BNC2: variants seen among roughly 807,000 people sequenced by gnomAD.
The protein encoded by BNC2 is basonuclin zinc finger protein 2, also known as zinc finger protein basonuclin-2.
A neutral mutation model predicts 76.3 loss-of-function variants in BNC2; 20 were observed. That is an observed-to-expected ratio of 0.26 (90% CI 0.18 to 0.38). BNC2 has a LOEUF of 0.38. BNC2 is among the 10% of genes least tolerant of loss of function. The pLI is 1.00. For missense variants in BNC2, 1,382 were observed against 1,399.8 expected, an observed-to-expected ratio of 0.99 and a Z score of 0.20; for synonymous variants, 582 against 514.8, an observed-to-expected ratio of 1.13 and a Z score of -1.77.
Position 16,445,842 on chromosome 9 carries a change from T to C in BNC2, c.670-8318A>G, listed in dbSNP as rs374545731. Among the ~76,000 whole-genome samples, 25 of 152,248 alleles carry C rather than the reference T, an allele frequency of 1.6e-4. 1 individual carries two copies. The highest frequency in any genetic ancestry group is 7.7e-4 in the East Asian group (4 of 5,200). ...TAGAGATAGGTGTATACCAGCTTGC[T>C]GTGATTACACAGCTAATGCTACATT... On this transcript the variant is annotated intron_variant, in intron 5 of 6. Transcript: ENST00000380672.
chr9:16,792,516 C>T (rs1324275816), intron 1 of BNC2, among the ~76,000 whole-genome samples: 2 of 152,078 alleles, frequency 1.3e-5, no homozygotes, highest in Non-Finnish European at 2.9e-5. Context: ...AGGTTTCTGG[C>T]AAAAGAACAA....
rs115268387 is a variant in BNC2, at chr9:16,520,830, T to C, written c.669+31700A>G. 1.6e-3 allele frequency among the ~76,000 whole-genome samples: 242 copies of C among 152,248 alleles called. 2 individuals are homozygous for C. Among genetic ancestry groups the C allele is most frequent in the African/African-American group, 5.1e-3 (210 of 41,538 alleles). On this transcript the variant is annotated intron_variant, in intron 5 of 6. Coordinates refer to ENST00000380672, the MANE Select transcript of BNC2 (RefSeq NM_017637.6). ...CAGGCCACTTGAATGACTTTATAAA[T>C]AAGAAATCCTGTCTTCAGTATGGCA...
chr9:16,531,837 T>C lies in BNC2; in HGVS notation c.669+20693A>G, dbSNP rs1450397892. Among the ~76,000 whole-genome samples, 3 of 152,184 alleles carry C rather than the reference T, an allele frequency of 2.0e-5. No individual in the cohort carries two copies. The South Asian group carries it at 6.2e-4, about 32-fold the overall frequency. ...GAAATCAATTATATTTTTTAACATA[T>C]TATTTTATTCAAAATGCTTGACTAA... On this transcript the variant is annotated intron_variant, in intron 5 of 6. Coordinates refer to ENST00000380672, the MANE Select transcript of BNC2 (RefSeq NM_017637.6).
At chr9:16,767,245 A>G (rs1439956014) in intron 1 of BNC2, among the ~76,000 whole-genome samples, 2 of 152,198 alleles carry the variant, frequency 1.3e-5, no homozygotes, top group East Asian at 3.9e-4. Context: ...CAAGTGCCCA[A>G]CACTCAGTAG....
chr9:16,861,075 C>T (rs1403202833), intron 1 of BNC2, among the ~76,000 whole-genome samples: 1 of 150,726 alleles, frequency 6.6e-6, no homozygotes, highest in East Asian at 1.9e-4. Context: ...GTCACAGTGG[C>T]TTATGCCTGT....
rs1267037097 is a variant in BNC2, at chr9:16,424,277, AAAAC to A, written c.2640-4632_2640-4629del. On this transcript the variant is annotated intron_variant, in intron 6 of 6. Transcript: ENST00000380672. ...GGAGACACGAAAAAGAAAAAAAAAA[AAAAC>A]AAGTTGCATGACCAAATTAGAAAGT... 2.6e-3 allele frequency among the ~76,000 whole-genome samples: 390 copies of A among 152,188 alleles called. 3 individuals are homozygous for A. The highest frequency in any genetic ancestry group is 9.0e-3 in the African/African-American group (373 of 41,472).
Position 16,794,239 on chromosome 9 carries a change from T to A in BNC2, c.4-55754A>T, listed in dbSNP as rs1366911599. Among the ~76,000 whole-genome samples, 3 of 152,108 alleles carry A rather than the reference T, an allele frequency of 2.0e-5. No individual in the cohort carries two copies. The East Asian group carries it at 5.8e-4, about 29-fold the overall frequency. On this transcript the variant is annotated intron_variant, in intron 1 of 6. Transcript: ENST00000380672. ...GTGTTTTTTATTCCAGATGGGAAAC[T>A]CTCACTACCGTCCCCCAGCAGACTT... is the stretch of plus-strand genomic sequence containing the variant.
intron 3 of BNC2, among the ~76,000 whole-genome samples, chr9:16,608,738 TGTCATGAAAAGATAACCTGACAGGGA>T (rs1458434133): frequency 1.4e-4 from 21 of 152,252 alleles, no homozygotes; most frequent in Admixed American, 2.6e-4. Context: ...GATAAGTTGA[TGTCATGAAAAGATAACCTGACAGGGA>T]GTCAGTGAGA....
Position 16,715,382 on chromosome 9 carries a change from T to C in BNC2, c.330+12415A>G, listed in dbSNP as rs562751100. Among the ~76,000 whole-genome samples, 7 of 152,056 alleles carry C rather than the reference T, an allele frequency of 4.6e-5. No homozygotes were observed. In the East Asian group the frequency reaches 1.4e-3, roughly 29 times the overall value. On this transcript the variant is annotated intron_variant, in intron 3 of 6. Transcript: ENST00000380672. ...TTTTTTCTAATCACAGGGGAAAAAA[T>C]GAAGAATTTGGTTGATCCCAGTGGG...
At chr9:16,513,665 C>A (rs192609944) in intron 5 of BNC2, among the ~76,000 whole-genome samples, 202 of 152,168 alleles carry the variant, frequency 1.3e-3, no homozygotes, top group African/African-American at 4.5e-3. Flanking sequence ...GGGTACAGGA[C>A]CAGGAAGAAA....
intron 2 of BNC2, among the ~76,000 whole-genome samples, chr9:16,731,723 C>T (rs1490474945): frequency 6.6e-6 from 1 of 152,086 alleles, no homozygotes; most frequent in Non-Finnish European, 1.5e-5. Flanking sequence ...TTATAGACTG[C>T]TGTAATTAAA....
chr9:16,491,921 C>T (rs1051251984), intron 5 of BNC2, among the ~76,000 whole-genome samples: 1 of 152,180 alleles, frequency 6.6e-6, no homozygotes, highest in African/African-American at 2.4e-5. Context: ...ATAAACTACA[C>T]TCTGGTATGC....
intron 1 of BNC2, among the ~76,000 whole-genome samples, chr9:16,743,223 C>T (rs988189834): frequency 2.0e-5 from 3 of 150,196 alleles, no homozygotes; most frequent in Non-Finnish European, 4.4e-5. Flanking sequence ...AGAAACTACA[C>T]GATGACTTGA....
At chr9:16,586,720 A>T (rs1819782124) in intron 3 of BNC2, among the ~76,000 whole-genome samples, 2 of 152,186 alleles carry the variant, frequency 1.3e-5, no homozygotes, top group African/African-American at 4.8e-5. Flanking sequence ...CCACTAAGCA[A>T]AAACCGTCAC....
chr9:16,555,031 A>ATTATTTTTTT (rs141205501), intron 4 of BNC2, among the ~76,000 whole-genome samples: 8,172 of 150,922 alleles, frequency 0.054, 817 homozygotes, highest in African/African-American at 0.19. Flanking sequence ...ATTTTGTATT[A>ATTATTTTTTT]TTTTTTAAGA....
At chr9:16,706,003 C>G (rs1823658771) in intron 3 of BNC2, among the ~76,000 whole-genome samples, 1 of 152,152 alleles carries the variant, frequency 6.6e-6, no homozygotes, top group African/African-American at 2.4e-5. Flanking sequence ...AGAGTTCTGC[C>G]TTCCAAGCAA....
chr9:16,472,107 A>C (rs62540627), intron 5 of BNC2, among the ~76,000 whole-genome samples: 484 of 152,322 alleles, frequency 3.2e-3, no homozygotes, highest in Non-Finnish European at 5.3e-3. Context: ...CTTTATCAAC[A>C]GCATGAAAAC....
chr9:16,442,768 C>A (rs1179176633), intron 5 of BNC2, among the ~76,000 whole-genome samples: 1 of 152,044 alleles, frequency 6.6e-6, no homozygotes, highest in Non-Finnish European at 1.5e-5. Context: ...AAACACTGGA[C>A]GCAGCACGGA....
At chr9:16,724,683 T>C (rs1209148284) in intron 3 of BNC2, among the ~76,000 whole-genome samples, 1 of 152,102 alleles carries the variant, frequency 6.6e-6, no homozygotes, top group Non-Finnish European at 1.5e-5. Context: ...GAATGAAAGA[T>C]GTACATTTAA....
Sources: gnomAD v4.1 joint callset for allele counts (sites outside exome capture counted in the v4.1 genomes callset) on GRCh38, gnomAD v4.1.1 for gene constraint, MANE v1.5 for transcripts, NCBI Gene and HGNC (gene_info 2026-07-23, HGNC 2026-07-21) for gene names.